Variants in DNAJC5B observed in about 807,000 individuals in gnomAD.
The protein encoded by DNAJC5B is DnaJ heat shock protein family (Hsp40) member C5 beta.
In DNAJC5B, 23 loss-of-function variants were observed where a neutral mutation model predicts 24.7. The ratio of observed to expected loss-of-function variants is 0.93; its 90% CI spans 0.67 to 1.32. The LOEUF is 1.32. Ranked by LOEUF, DNAJC5B falls within the 40% of genes most tolerant of loss-of-function variation. The probability of loss-of-function intolerance (pLI) is 0.00; values close to 1 mark genes in which losing one functional copy is unlikely to be tolerated. For synonymous variants in DNAJC5B, 101 were observed against 90.1 expected, an observed-to-expected ratio of 1.12 and a Z score of -0.68; for missense variants, 238 against 240.8, an observed-to-expected ratio of 0.99 and a Z score of 0.08.
chr8:66,026,002 A>T (rs1183194713), intron 1 of DNAJC5B, among the ~76,000 whole-genome samples: 2 of 104,832 alleles, frequency 1.9e-5, no homozygotes, highest in Admixed American at 1.7e-4. Flanking sequence ...GAATCTGTAA[A>T]TTACCTTGGG....
intron 3 of DNAJC5B, among the ~76,000 whole-genome samples, chr8:66,061,806 G>T (rs939374220): frequency 6.6e-6 from 1 of 152,052 alleles, no homozygotes; most frequent in Admixed American, 6.5e-5. Context: ...AGTTAAAAAT[G>T]TTGAAGGGAC....
chr8:66,076,758 A>G lies in DNAJC5B; in HGVS notation c.218A>G (p.Asp73Gly). The G allele has an allele frequency of 6.2e-7, 1 of 1,614,226 alleles. No homozygotes were observed. Among genetic ancestry groups the G allele is most frequent in the Non-Finnish European group, 8.5e-7 (1 of 1,180,030 alleles). ...AACAACGCCCACGCAATACTTACCGACATTTCAAAGAGAAGCATATACGAC... is the reference window on the plus strand; with the variant it reads ...AACAACGCCCACGCAATACTTACCGGCATTTCAAAGAGAAGCATATACGAC... ...EINNAHAILTDISKRSIYDKY... is the reference protein window; with the variant it reads ...EINNAHAILTGISKRSIYDKY... Residue 73 changes from aspartate (D) to glycine (G), a missense_variant, in exon 4 of 6, where the codon GAC becomes GGC. Coordinates refer to ENST00000276570, the MANE Select transcript of DNAJC5B (RefSeq NM_033105.6).
chr8:66,044,256 A>G (rs1021908638), intron 2 of DNAJC5B, among the ~76,000 whole-genome samples: 3 of 152,156 alleles, frequency 2.0e-5, no homozygotes, highest in Non-Finnish European at 4.4e-5. Context: ...CACTAAACAA[A>G]TTTCTATGAA....
At chr8:66,058,386 C>T (rs368976294) in intron 3 of DNAJC5B, among the ~76,000 whole-genome samples, 2 of 152,124 alleles carry the variant, frequency 1.3e-5, no homozygotes, top group Non-Finnish European at 2.9e-5. Context: ...GTTCCTGATC[C>T]CTTTTCCATA....
chr8:66,078,244 T>A (rs1296990138), intron 4 of DNAJC5B, among the ~76,000 whole-genome samples: 4 of 152,134 alleles, frequency 2.6e-5, no homozygotes, highest in African/African-American at 9.7e-5. Flanking sequence ...ATATGCAAAA[T>A]AATTCCTGGT....
intron 3 of DNAJC5B, among the ~76,000 whole-genome samples, chr8:66,051,907 AAG>A (rs545475932): frequency 1.1e-4 from 17 of 152,072 alleles, no homozygotes; most frequent in Non-Finnish European, 2.4e-4. Context: ...CCTGCAGTGA[AAG>A]AGAGAGAGAA....
intron 2 of DNAJC5B, among the ~76,000 whole-genome samples, chr8:66,044,662 C>A (rs981674092): frequency 5.9e-5 from 9 of 152,114 alleles, no homozygotes; most frequent in Non-Finnish European, 1.0e-4. Context: ...GGTAGTCACT[C>A]TATAGAGGTC....
chr8:66,096,797 A>G (rs1807962537), intron 5 of DNAJC5B, among the ~76,000 whole-genome samples: 1 of 151,960 alleles, frequency 6.6e-6, no homozygotes, highest in Admixed American at 6.6e-5. Context: ...GTCTGACAAT[A>G]TTTTTCTTTT....
At chr8:66,097,455 T>C (rs1240557076) in intron 5 of DNAJC5B, among the ~76,000 whole-genome samples, 1 of 152,024 alleles carries the variant, frequency 6.6e-6, no homozygotes, top group East Asian at 1.9e-4. Context: ...TATTTTAGAT[T>C]TTTCTCAATT....
At chr8:66,086,913 A>C (rs1173340554) in intron 5 of DNAJC5B, among the ~76,000 whole-genome samples, 1 of 152,202 alleles carries the variant, frequency 6.6e-6, no homozygotes, top group Non-Finnish European at 1.5e-5. Context: ...ATATGGGGCA[A>C]TCTTTACTCC....
chr8:66,083,723 G>A (rs946379140), intron 5 of DNAJC5B, among the ~76,000 whole-genome samples: 2 of 152,110 alleles, frequency 1.3e-5, no homozygotes, highest in African/African-American at 4.8e-5. Flanking sequence ...CACTCGTGGG[G>A]CTACAATAAT....
At chr8:66,073,885 A>G (rs547444886) in intron 3 of DNAJC5B, among the ~76,000 whole-genome samples, 5 of 152,332 alleles carry the variant, frequency 3.3e-5, no homozygotes, top group South Asian at 2.1e-4. Flanking sequence ...TTAGAGTTAT[A>G]GAGAGTTTAT....
chr8:66,025,892 G>T (rs1441248161), intron 1 of DNAJC5B, among the ~76,000 whole-genome samples: 2 of 92,064 alleles, frequency 2.2e-5, no homozygotes, highest in East Asian at 4.2e-4. Flanking sequence ...TTTGGCTTAG[G>T]ATTGACTTGG....
intron 4 of DNAJC5B, 53 bp downstream of exon 4, chr8:66,076,926 C>A: frequency 6.3e-7 from 1 of 1,589,992 alleles, no homozygotes; most frequent in Non-Finnish European, 8.6e-7. Context: ...TGATATTAAT[C>A]ACTCTTTTAG....
Position 66,100,774 on chromosome 8 carries a change from G to A in DNAJC5B, c.*743G>A, listed in dbSNP as rs970942903. Among the ~76,000 whole-genome samples the A allele has an allele frequency of 6.6e-6, 1 of 152,068 alleles. No individual in the cohort carries two copies. The highest frequency in any genetic ancestry group is 1.5e-5 in the Non-Finnish European group (1 of 68,028). ...TAGTAAAATAATTTTTGTATAACTGGCTCAGATTAGCCAGACTAAGGGAAA... is the reference window on the plus strand; with the variant it reads ...TAGTAAAATAATTTTTGTATAACTGACTCAGATTAGCCAGACTAAGGGAAA... On this transcript the variant is annotated 3_prime_UTR_variant, in exon 6 of 6. Coordinates refer to ENST00000276570, the MANE Select transcript of DNAJC5B (RefSeq NM_033105.6).
the DNAJC5B span, among the ~76,000 whole-genome samples, chr8:66,016,175 A>G: frequency 1.3e-5 from 2 of 152,194 alleles, no homozygotes; most frequent in Non-Finnish European, 2.9e-5. Context: ...AAAGAGCAAA[A>G]GGGGCTAGTT....
chr8:66,093,073 T>G (rs192248140), intron 5 of DNAJC5B, among the ~76,000 whole-genome samples: 185 of 152,316 alleles, frequency 1.2e-3, no homozygotes, highest in African/African-American at 4.1e-3. Flanking sequence ...ATTGTGACTG[T>G]CATTCATGTA....
chr8:66,033,770 CTTT>C lies in DNAJC5B; in HGVS notation c.-141-9697_-141-9695del, dbSNP rs765814272. On this transcript the variant is annotated intron_variant, in intron 1 of 5. Transcript: ENST00000276570. ...GCTTCTTGCTTTCAAGATCATTCCG[CTTT>C]TTTTTTTTTTTTTTTTTTTTGGTAG... 2.1e-3 allele frequency among the ~76,000 whole-genome samples: 218 copies of C among 105,376 alleles called. 1 individual carries two copies. Among genetic ancestry groups the C allele is most frequent in the African/African-American group, 5.0e-3 (124 of 25,016 alleles). The allele number at this position is 105,376 out of a possible 152,430, so 69.1% of individuals were successfully genotyped here. A position where few individuals can be genotyped will look rare whatever the true frequency, so the allele number is the denominator to read the frequency against.
intron 3 of DNAJC5B, among the ~76,000 whole-genome samples, chr8:66,060,382 C>T (rs1807055198): frequency 6.6e-6 from 1 of 152,206 alleles, no homozygotes; most frequent in Non-Finnish European, 1.5e-5. Flanking sequence ...CTGTCACAGC[C>T]GTGGCTTGTA....
Sources: gnomAD v4.1 joint callset for allele counts (sites outside exome capture counted in the v4.1 genomes callset) on GRCh38, gnomAD v4.1.1 for gene constraint, MANE v1.5 for transcripts, NCBI Gene and HGNC (gene_info 2026-07-23, HGNC 2026-07-21) for gene names.